Variants in VRK1 observed in about 807,000 individuals in gnomAD.
VRK1 encodes the protein VRK serine/threonine kinase 1.
VRK1 carries 33 observed loss-of-function variants against 57.1 expected under a neutral mutation model. The observed-to-expected ratio is 0.58, with a 90% CI of 0.44 to 0.77. The LOEUF (loss-of-function observed/expected upper bound fraction) is 0.77. Among genes scored for constraint, VRK1 ranks in the 30% least tolerant of loss-of-function variants. The pLI is 0.00. For missense variants in VRK1, 413 were observed against 477.3 expected, an observed-to-expected ratio of 0.87 and a Z score of 1.25; for synonymous variants, 137 against 147.8, an observed-to-expected ratio of 0.93 and a Z score of 0.53.
chr14:96,863,949 C>T (rs1888483548), intron 11 of VRK1, among the ~76,000 whole-genome samples: 1 of 152,130 alleles, frequency 6.6e-6, no homozygotes, highest in African/African-American at 2.4e-5. Context: ...GCCTTTATAC[C>T]ATTGTAGCCT....
chr14:96,874,347 A>C (rs750296011), intron 11 of VRK1, among the ~76,000 whole-genome samples: 1 of 152,160 alleles, frequency 6.6e-6, no homozygotes, highest in African/African-American at 2.4e-5. Context: ...TGCAGTTTGC[A>C]TATGGAAGTT....
chr14:96,849,926 A>G (rs192976588), intron 5 of VRK1, among the ~76,000 whole-genome samples: 100 of 152,266 alleles, frequency 6.6e-4, no homozygotes, highest in African/African-American at 2.3e-3. Context: ...AAGTGGGTCC[A>G]AGGTTGACTC....
At chr14:96,856,059 T>C in intron 8 of VRK1, 71 bp from the exon 9 acceptor site, 3 of 1,543,820 alleles carry the variant, frequency 1.9e-6, no homozygotes, top group Non-Finnish European at 2.7e-6. Flanking sequence ...ATGTTATTAC[T>C]TTATATATAC....
chr14:96,881,311 A>C lies in VRK1; in HGVS notation c.*103A>C. The C allele has an allele frequency of 9.4e-7, 1 of 1,063,422 alleles. No individual in the cohort carries two copies. The highest frequency in any genetic ancestry group is 2.2e-5 in the Admixed American group (1 of 46,494). The allele number at this position is 1,063,422 out of a possible 1,614,324, so 65.9% of individuals were successfully genotyped here. A position where few individuals can be genotyped will look rare whatever the true frequency, so the allele number is the denominator to read the frequency against. On this transcript the variant is annotated 3_prime_UTR_variant, in exon 13 of 13. Coordinates refer to ENST00000216639, the MANE Select transcript of VRK1 (RefSeq NM_003384.3). ...TTTTCCTGTGAGTCTTGCGAGGTGGAAGTAATGATTAAATACTCATGTGTT... is the reference window on the plus strand; with the variant it reads ...TTTTCCTGTGAGTCTTGCGAGGTGGCAGTAATGATTAAATACTCATGTGTT...
chr14:96,875,342 T>A (rs1286916447), intron 11 of VRK1, among the ~76,000 whole-genome samples: 3 of 152,182 alleles, frequency 2.0e-5, no homozygotes, highest in Non-Finnish European at 4.4e-5. Context: ...AACACTTCAC[T>A]AGAAAAATAG....
At position 96,859,661 on chromosome 14, in the gene VRK1, TTGTG is replaced by T. The variant is rs746643098; in HGVS notation, c.890-884_890-881del. On this transcript the variant is annotated intron_variant, in intron 10 of 12. Transcript: ENST00000216639. ...TGAATGTGTGTATATATGCACACGC[TTGTG>T]TGTGTGTGTGTAGAACTGATAAGAT... is the stretch of plus-strand genomic sequence containing the variant. Among the ~76,000 whole-genome samples, 228 of 151,650 alleles carry T rather than the reference TTGTG, an allele frequency of 1.5e-3. 1 individual carries two copies. Among genetic ancestry groups the T allele is most frequent in the Non-Finnish European group, 2.3e-3 (158 of 67,830 alleles).
Position 96,847,263 on chromosome 14 carries a change from A to G in VRK1, c.293A>G (p.Lys98Arg), listed in dbSNP as rs1465689374. Residue 98 changes from lysine (K) to arginine (R), a missense_variant, in exon 5 of 13, where the codon AAA becomes AGA. Physicochemically the swap from Lys to Arg is conservative, Grantham distance 26. Coordinates refer to ENST00000216639, the MANE Select transcript of VRK1 (RefSeq NM_003384.3). ...QRAAKPEQIQ[K>R]WIRTRKLKYL... ...GATCTGTTTTAATTTGTAGTTCAGA[A>G]ATGGATTCGTACCCGTAAGCTGAAG... 6.2e-7 allele frequency: 1 copy of G among 1,613,414 alleles called. No individual in the cohort carries two copies. The highest frequency in any genetic ancestry group is 1.3e-5 in the African/African-American group (1 of 74,898).
At chr14:96,879,257 A>G (rs1163998217) in intron 12 of VRK1, among the ~76,000 whole-genome samples, 1 of 152,128 alleles carries the variant, frequency 6.6e-6, no homozygotes, top group African/African-American at 2.4e-5. Context: ...TTTTTGTAAC[A>G]ATCAGAATTG....
At chr14:96,848,170 G>T (rs1887789020) in intron 5 of VRK1, among the ~76,000 whole-genome samples, 1 of 152,072 alleles carries the variant, frequency 6.6e-6, no homozygotes, top group African/African-American at 2.4e-5. Flanking sequence ...TCCTCTTCTT[G>T]GTTTTGTTCT....
chr14:96,838,737 A>G (rs1595664538), intron 3 of VRK1, among the ~76,000 whole-genome samples: 1 of 152,206 alleles, frequency 6.6e-6, no homozygotes, highest in African/African-American at 2.4e-5. Flanking sequence ...GTGGGGACAC[A>G]GCCAAACCAT....
intron 3 of VRK1, among the ~76,000 whole-genome samples, chr14:96,845,750 T>C (rs1887659204): frequency 6.6e-6 from 1 of 152,202 alleles, no homozygotes; most frequent in Non-Finnish European, 1.5e-5. Flanking sequence ...TATAGCCCCT[T>C]GGTGATACAG....
chr14:96,867,456 AGTGTGTGTGTGTGTGTGT>A (rs34415863), intron 11 of VRK1, among the ~76,000 whole-genome samples: 2 of 148,386 alleles, frequency 1.3e-5, no homozygotes, highest in African/African-American at 4.9e-5. Context: ...TCTGTGCACA[AGTGTGTGTGTGTGTGTGT>A]GTGTGTGTGT....
chr14:96,830,310 T>G (rs1595657907), intron 1 of VRK1, among the ~76,000 whole-genome samples: 1 of 152,138 alleles, frequency 6.6e-6, no homozygotes, highest in Non-Finnish European at 1.5e-5. Flanking sequence ...CTTGCTTTGA[T>G]TTTCTTTGTT....
intron 1 of VRK1, among the ~76,000 whole-genome samples, chr14:96,798,585 T>C (rs185749096): frequency 8.5e-5 from 13 of 152,332 alleles, no homozygotes; most frequent in African/African-American, 3.1e-4. Flanking sequence ...CTTCTTTTTT[T>C]TTAAACTGGA....
chr14:96,873,594 A>G (rs1438706807), intron 11 of VRK1, among the ~76,000 whole-genome samples: 2 of 152,226 alleles, frequency 1.3e-5, no homozygotes, highest in East Asian at 1.9e-4. Context: ...AGAGATTAGC[A>G]TAGTCACTTT....
At chr14:96,814,002 C>T (rs1886302183) in intron 1 of VRK1, among the ~76,000 whole-genome samples, 1 of 152,030 alleles carries the variant, frequency 6.6e-6, no homozygotes, top group Non-Finnish European at 1.5e-5. Context: ...AGTTACCCAG[C>T]ATATAGCTTG....
At position 96,873,691 on chromosome 14, in the gene VRK1, G is replaced by A. The variant is rs551720359; in HGVS notation, c.1069-2339G>A. Among the ~76,000 whole-genome samples, 12 of 152,242 alleles carry A rather than the reference G, an allele frequency of 7.9e-5. No individual in the cohort carries two copies. In the South Asian group the frequency reaches 1.9e-3, roughly 24 times the overall value. ...TGACAAATAACAAAATGAAGCATTT[G>A]GAAAGATTCAGAAGGAAGAAGCTGG... On this transcript the variant is annotated intron_variant, in intron 11 of 12. Transcript: ENST00000216639.
At chr14:96,854,801 C>T (rs192400688) in intron 7 of VRK1, among the ~76,000 whole-genome samples, 1 of 152,122 alleles carries the variant, frequency 6.6e-6, no homozygotes. Context: ...GCATCATTAG[C>T]AGTCTTCTAC....
chr14:96,814,560 G>C (rs528016620), intron 1 of VRK1, among the ~76,000 whole-genome samples: 1 of 152,202 alleles, frequency 6.6e-6, no homozygotes, highest in Admixed American at 6.5e-5. Context: ...AAAGAGCAAA[G>C]AATGAAAATT....
Sources: allele counts gnomAD v4.1 joint callset (sites outside exome capture counted in the v4.1 genomes callset), GRCh38; gene constraint gnomAD v4.1.1; transcripts MANE v1.5; gene names NCBI Gene and HGNC (gene_info 2026-07-23, HGNC 2026-07-21).